The following ACIN1 variants were observed in gnomAD, a reference collection of about 807,000 sequenced individuals.
The protein encoded by ACIN1 is apoptotic chromatin condensation inducer 1.
In ACIN1, 16 loss-of-function variants were observed where a neutral mutation model predicts 146.6. That is an observed-to-expected ratio of 0.11 (90% CI 0.07 to 0.17). The LOEUF is 0.17. Among genes scored for constraint, ACIN1 ranks in the 10% least tolerant of loss-of-function variants. The pLI, the probability that ACIN1 is intolerant of heterozygous loss-of-function variation, is 1.00. For missense variants in ACIN1, 1,357 were observed against 1,609.3 expected, an observed-to-expected ratio of 0.84 and a Z score of 2.68; for synonymous variants, 569 against 582.7, an observed-to-expected ratio of 0.98 and a Z score of 0.34.
chr14:23,095,333 C>G (rs766563685), upstream of ACIN1: 19 of 1,550,230 alleles, frequency 1.2e-5, no homozygotes, highest in Non-Finnish European at 1.6e-5. Context: ...CCCCTTTTCT[C>G]GCCCTGCTTT....
At position 23,069,621 on chromosome 14, in the gene ACIN1, ACAG is replaced by A; in HGVS notation, c.2124-7_2124-5del. ...GGTCACTTCCTCCTTCTCCTCACTG[ACAG>A]GAGGGGGGAGTGGTGGTGGGGGGGC... On this transcript the variant is annotated splice_polypyrimidine_tract_variant and splice_region_variant and intron_variant, in intron 8 of 18. Coordinates refer to ENST00000605057, the MANE Select transcript of ACIN1 (RefSeq NM_001386863.1). 1 of 662,584 alleles carries A rather than the reference ACAG, an allele frequency of 1.5e-6. No homozygotes were observed. The highest frequency in any genetic ancestry group is 1.4e-5 in the South Asian group (1 of 70,572). 41.0% of individuals were successfully genotyped at this position (662,584 alleles called of 1,614,324 possible).
intron 8 of ACIN1, chr14:23,071,500 G>A (rs1364590757): frequency 6.4e-7 from 1 of 1,551,668 alleles, no homozygotes; most frequent in Non-Finnish European, 8.7e-7. Flanking sequence ...GTAGTGGCTG[G>A]CTCTATTGTA....
chr14:23,064,549 G>A (rs113181706), intron 10 of ACIN1, 61 bp from the exon 11 acceptor site: 155,416 of 1,586,264 alleles, frequency 0.098, 8,814 homozygotes, highest in African/African-American at 0.2. Context: ...AGTTCAAACC[G>A]TAATACCTAC....
chr14:23,065,680 G>A (rs1053701352), intron 10 of ACIN1, among the ~76,000 whole-genome samples: 2 of 152,236 alleles, frequency 1.3e-5, no homozygotes, highest in Non-Finnish European at 2.9e-5. Context: ...TGAGTATTCA[G>A]GTATCTGAAA....
chr14:23,060,831 C>A (rs1179241955), intron 18 of ACIN1, among the ~76,000 whole-genome samples: 1 of 152,198 alleles, frequency 6.6e-6, no homozygotes, highest in Non-Finnish European at 1.5e-5. Flanking sequence ...TTCTAAGAAG[C>A]CTGGTCGGCA....
At chr14:23,060,456 G>A (rs2139982336) in intron 18 of ACIN1, among the ~76,000 whole-genome samples, 1 of 151,982 alleles carries the variant, frequency 6.6e-6, no homozygotes, top group African/African-American at 2.4e-5. Context: ...CTCTTAAAAA[G>A]CAGGGAAATG....
At chr14:23,093,642 A>G (rs1848847891) in intron 1 of ACIN1, 98 bp from the exon 2 acceptor site, 1 of 955,866 alleles carries the variant, frequency 1.0e-6, no homozygotes, top group Non-Finnish European at 1.6e-6. Flanking sequence ...GCAATGACTT[A>G]AATACACACA....
upstream of ACIN1, chr14:23,095,338 T>C (rs768416152): frequency 6.5e-7 from 1 of 1,545,482 alleles, no homozygotes; most frequent in African/African-American, 1.4e-5. Context: ...TTTCTCGCCC[T>C]GCTTTCAGGC....
At chr14:23,071,589 T>TG in intron 8 of ACIN1, 1 of 1,536,958 alleles carries the variant, frequency 6.5e-7, no homozygotes. Context: ...TGTGTGCGGA[T>TG]GGGGGAGGGC....
At position 23,067,377 on chromosome 14, in the gene ACIN1, A is replaced by G; in HGVS notation, c.2266-1369T>C. 1 of 985,802 alleles carries G rather than the reference A, an allele frequency of 1.0e-6. No homozygotes were observed. The highest frequency in any genetic ancestry group is 1.2e-6 in the Non-Finnish European group (1 of 829,964). 61.1% of individuals were successfully genotyped at this position (985,802 alleles called of 1,614,324 possible). On this transcript the variant is annotated intron_variant, in intron 9 of 18. Coordinates refer to ENST00000605057, the MANE Select transcript of ACIN1 (RefSeq NM_001386863.1). The surrounding 1 kb of genome is among the most constrained non-coding windows in gnomAD (Gnocchi z 4.6). The stretch of plus-strand genomic sequence containing the variant: ...ACTGTATCTAGTCAACCGCCGGTCC[A>G]ATCAGAATGAGCCCTCCCTGCTAGG...
At chr14:23,089,910 G>C in intron 4 of ACIN1, 72 bp downstream of exon 4, 1 of 1,430,530 alleles carries the variant, frequency 7.0e-7, no homozygotes, top group South Asian at 1.6e-5. Context: ...AGCATGAAAG[G>C]AGGTGTAACT....
rs898572774 is a variant in ACIN1 at position 23,068,259 on chromosome 14, C to G, written c.2265+1217G>C. ...TCACAAACTTTAGGAGGTCTTGGTGCCCTAGATGGGGATCCCAACAGTCTG... is the reference window on the plus strand; with the variant it reads ...TCACAAACTTTAGGAGGTCTTGGTGGCCTAGATGGGGATCCCAACAGTCTG... On this transcript the variant is annotated intron_variant, in intron 9 of 18. Coordinates refer to ENST00000605057, the MANE Select transcript of ACIN1 (RefSeq NM_001386863.1). This position sits in a 1 kb window ranked among gnomAD's most constrained non-coding sequence, Gnocchi z 4.3. The G allele has an allele frequency of 1.6e-5, 16 of 985,744 alleles. No homozygotes were observed. The highest frequency in any genetic ancestry group is 1.8e-5 in the Non-Finnish European group (15 of 829,960). The allele number at this position is 985,744 out of a possible 1,614,324, so 61.1% of individuals were successfully genotyped here. A position where few individuals can be genotyped will look rare whatever the true frequency, so the allele number is the denominator to read the frequency against.
rs1383970949 is a variant in ACIN1 at position 23,083,598 on chromosome 14, G to A, written c.437-1762C>T. 5.9e-5 allele frequency among the ~76,000 whole-genome samples: 9 copies of A among 152,250 alleles called. No homozygotes were observed. In the East Asian group the frequency reaches 7.8e-4, roughly 13 times the overall value. ...ATACAAAAAATTAGCCAGGCGTGGC[G>A]GCAGGTGCCTGTAGTCCCAGCTACT... On this transcript the variant is annotated intron_variant, in intron 4 of 18. Coordinates refer to ENST00000605057, the MANE Select transcript of ACIN1 (RefSeq NM_001386863.1).
At chr14:23,074,409 T>C (rs1374448937) in intron 8 of ACIN1, among the ~76,000 whole-genome samples, 4 of 151,472 alleles carry the variant, frequency 2.6e-5, no homozygotes, top group Non-Finnish European at 5.9e-5. Context: ...CTATTAAAAA[T>C]AGAAAAATTA....
Position 23,086,703 on chromosome 14 carries a change from T to C in ACIN1, c.436+3279A>G, listed in dbSNP as rs1020842335. Among the ~76,000 whole-genome samples the C allele has an allele frequency of 4.6e-5, 7 of 152,094 alleles. 1 individual carries two copies. The South Asian group carries it at 1.5e-3, about 32-fold the overall frequency. On this transcript the variant is annotated intron_variant, in intron 4 of 18. Transcript: ENST00000605057. ...GGACTCACTATGTTGCTCAGGCCAA[T>C]CTCCTGGGAGATCCTCCCACCTCAG...
intron 4 of ACIN1, among the ~76,000 whole-genome samples, chr14:23,085,690 A>G (rs555974317): frequency 2.3e-4 from 35 of 152,360 alleles, no homozygotes; most frequent in African/African-American, 8.2e-4. Flanking sequence ...AGGAATCTCT[A>G]GTTCCTTGGA....
chr14:23,058,849 GA>G lies in ACIN1; in HGVS notation c.*298del, dbSNP rs1424436002. The G allele has an allele frequency of 7.9e-5, 35 of 445,146 alleles. No homozygotes were observed. The highest frequency in any genetic ancestry group is 1.3e-4 in the Non-Finnish European group (32 of 246,770). 27.6% of individuals were successfully genotyped at this position (445,146 alleles called of 1,614,324 possible). ...GGTAAGCAGGATGGAGGAAAAATCA[GA>G]GGACTGGGGCACCTGGCTGTTCCCC... On this transcript the variant is annotated 3_prime_UTR_variant, in exon 19 of 19. Transcript: ENST00000605057.
Position 23,067,111 on chromosome 14 carries a change from G to A in ACIN1, c.2266-1103C>T, listed in dbSNP as rs920296435. ...CCTGACCCCTAGCTGGGCCGCTCTCGATGGGTAAGTTAGTGAGAAAAACAA... is the reference window on the plus strand; with the variant it reads ...CCTGACCCCTAGCTGGGCCGCTCTCAATGGGTAAGTTAGTGAGAAAAACAA... On this transcript the variant is annotated intron_variant, in intron 9 of 18. Transcript: ENST00000605057. The surrounding 1 kb of genome is among the most constrained non-coding windows in gnomAD (Gnocchi z 4.6). 6.7e-6 allele frequency among the ~76,000 whole-genome samples: 1 copy of A among 150,374 alleles called. No homozygotes were observed. Among genetic ancestry groups the A allele is most frequent in the East Asian group, 1.9e-4 (1 of 5,136 alleles).
chr14:23,065,600 C>G (rs965093143), intron 10 of ACIN1, among the ~76,000 whole-genome samples: 4 of 152,194 alleles, frequency 2.6e-5, no homozygotes, highest in African/African-American at 9.7e-5. Flanking sequence ...AAAAAAACAA[C>G]AACAAAATAC....
Sources: allele counts gnomAD v4.1 joint callset (sites outside exome capture counted in the v4.1 genomes callset), GRCh38; gene constraint gnomAD v4.1.1; non-coding constraint Gnocchi (gnomAD v3.1); transcripts MANE v1.5; gene names NCBI Gene and HGNC (gene_info 2026-07-23, HGNC 2026-07-21).